Variants in PDE4D observed in about 807,000 individuals in gnomAD.
PDE4D encodes phosphodiesterase 4D.
A neutral mutation model predicts 87.4 loss-of-function variants in PDE4D; 24 were observed. That is an observed-to-expected ratio of 0.27 (90% CI 0.20 to 0.39). The LOEUF (loss-of-function observed/expected upper bound fraction) is 0.39, where lower values mean the gene tolerates loss of function less well. PDE4D is among the 10% of genes least tolerant of loss of function. The probability of loss-of-function intolerance (pLI) is 1.00; values close to 1 mark genes in which losing one functional copy is unlikely to be tolerated. For synonymous variants in PDE4D, 384 were observed against 383.2 expected (o/e 1.00, Z -0.02); for missense variants, 714 against 1,041.0 (o/e 0.69, Z 4.32).
chr5:60,201,962 G>A (rs528465382), intron 1 of PDE4D, among the ~76,000 whole-genome samples: 15 of 152,142 alleles, frequency 9.9e-5, no homozygotes, highest in African/African-American at 3.6e-4. Context: ...AATCATTTGG[G>A]AAAATAAGCC....
intron 2 of PDE4D, chr5:60,127,551 G>A: frequency 2.2e-6 from 1 of 453,898 alleles, no homozygotes. Context: ...ACTGGAAGGT[G>A]AAATCGACAG....
chr5:60,291,514 T>C (rs1011138734), intron 1 of PDE4D, among the ~76,000 whole-genome samples: 2 of 151,870 alleles, frequency 1.3e-5, no homozygotes, highest in East Asian at 1.9e-4. Context: ...AAAAACCTAT[T>C]ACAATATAAC....
At chr5:59,760,262 A>T (rs1761804677) in intron 1 of PDE4D, among the ~76,000 whole-genome samples, 1 of 152,208 alleles carries the variant, frequency 6.6e-6, no homozygotes, top group South Asian at 2.1e-4. Context: ...TAAACAAAAA[A>T]TATGGCCAAA....
intron 3 of PDE4D, among the ~76,000 whole-genome samples, chr5:59,963,634 C>T (rs1759713466): frequency 6.6e-6 from 1 of 152,110 alleles, no homozygotes; most frequent in Non-Finnish European, 1.5e-5. Flanking sequence ...AAAATACGTG[C>T]CTAAAATTTT....
intron 1 of PDE4D, among the ~76,000 whole-genome samples, chr5:59,445,942 T>C (rs970499186): frequency 2.6e-5 from 4 of 152,124 alleles, no homozygotes; most frequent in Non-Finnish European, 4.4e-5. Context: ...CATACCTGAG[T>C]GTTGAGTAGC....
At chr5:60,068,313 T>C (rs894546230) in intron 2 of PDE4D, among the ~76,000 whole-genome samples, 3 of 152,188 alleles carry the variant, frequency 2.0e-5, no homozygotes, top group Non-Finnish European at 4.4e-5. Context: ...TCACATTTCC[T>C]GGATGATTAG....
At chr5:60,377,908 T>C (rs551087540) in intron 1 of PDE4D, among the ~76,000 whole-genome samples, 50 of 152,288 alleles carry the variant, frequency 3.3e-4, no homozygotes, top group Middle Eastern at 6.8e-3. Flanking sequence ...CAATGGGAAA[T>C]ACATAGGTCT....
intron 3 of PDE4D, among the ~76,000 whole-genome samples, chr5:59,914,866 G>GTGT (rs1554112455): frequency 2.4e-5 from 3 of 122,542 alleles, no homozygotes; most frequent in Non-Finnish European, 3.4e-5. Flanking sequence ...TACTGATAGG[G>GTGT]GTGTGTGTGT....
At chr5:59,047,801 A>C (rs1311959237) in intron 5 of PDE4D, among the ~76,000 whole-genome samples, 1 of 152,198 alleles carries the variant, frequency 6.6e-6, no homozygotes, top group South Asian at 2.1e-4. Context: ...GGTCATGAGA[A>C]TGGAGCCCTC....
intron 1 of PDE4D, among the ~76,000 whole-genome samples, chr5:59,242,302 T>G (rs917495869): frequency 1.3e-5 from 2 of 152,162 alleles, no homozygotes; most frequent in Non-Finnish European, 2.9e-5. Flanking sequence ...TATGGTGGCC[T>G]GGAGAACCTC....
intron 1 of PDE4D, among the ~76,000 whole-genome samples, chr5:59,751,742 T>A (rs550030361): frequency 6.6e-6 from 1 of 152,080 alleles, no homozygotes; most frequent in South Asian, 2.1e-4. Flanking sequence ...ATCCCCATAT[T>A]TGTTCACACT....
chr5:59,892,788 C>T (rs1431298777), intron 1 of PDE4D, among the ~76,000 whole-genome samples: 1 of 151,994 alleles, frequency 6.6e-6, no homozygotes, highest in African/African-American at 2.4e-5. Context: ...TCTTCTTCTC[C>T]ACCCAGAGCA....
intron 5 of PDE4D, among the ~76,000 whole-genome samples, chr5:59,115,859 A>G (rs1773512388): frequency 6.6e-6 from 1 of 152,184 alleles, no homozygotes; most frequent in African/African-American, 2.4e-5. Context: ...TTTGTTGAAC[A>G]ATTTCTTCAG....
At chr5:60,059,510 G>A (rs1265973968) in intron 2 of PDE4D, among the ~76,000 whole-genome samples, 1 of 151,958 alleles carries the variant, frequency 6.6e-6, no homozygotes, top group Non-Finnish European at 1.5e-5. Context: ...GTCAACAGAT[G>A]TATAGATGAC....
chr5:60,251,803 G>A (rs1748497584), intron 1 of PDE4D, among the ~76,000 whole-genome samples: 1 of 151,908 alleles, frequency 6.6e-6, no homozygotes, highest in South Asian at 2.1e-4. Flanking sequence ...TAAGTGTACA[G>A]TGTTTATAAA....
chr5:59,220,377 C>CA (rs57610513), intron 1 of PDE4D, among the ~76,000 whole-genome samples: 4,038 of 36,022 alleles, frequency 0.11, 608 homozygotes, highest in Non-Finnish European at 0.16. Context: ...GACTCTGTCT[C>CA]AAAAAAAAAA....
At chr5:59,344,998 TATC>T (rs1376105325) in intron 1 of PDE4D, among the ~76,000 whole-genome samples, 2 of 152,088 alleles carry the variant, frequency 1.3e-5, no homozygotes, top group African/African-American at 4.8e-5. Flanking sequence ...GCCGGATTGA[TATC>T]ATCAATCAGT....
intron 2 of PDE4D, among the ~76,000 whole-genome samples, chr5:60,091,113 C>G (rs182525741): frequency 7.4e-4 from 112 of 152,166 alleles, no homozygotes; most frequent in Admixed American, 1.2e-3. Flanking sequence ...TTAGGTAAGA[C>G]CTCAAAAACA....
chr5:60,131,103 T>C (rs1008709168), intron 2 of PDE4D, among the ~76,000 whole-genome samples: 2 of 152,212 alleles, frequency 1.3e-5, no homozygotes, highest in East Asian at 3.8e-4. Context: ...TCATTCACAC[T>C]CTCTAATCTA....
Sources: allele counts gnomAD v4.1 joint callset (sites outside exome capture counted in the v4.1 genomes callset), GRCh38; gene constraint gnomAD v4.1.1; transcripts MANE v1.5; gene names NCBI Gene and HGNC (gene_info 2026-07-23, HGNC 2026-07-21).